ADAM23: variants seen among roughly 807,000 people sequenced by gnomAD.
The protein encoded by ADAM23 is ADAM metallopeptidase domain 23, also known as disintegrin and metalloproteinase domain-containing protein 23.
Under a neutral mutation model 120.1 loss-of-function variants are expected in ADAM23, and 33 were observed. The ratio of observed to expected loss-of-function variants is 0.27; its 90% CI spans 0.21 to 0.37. ADAM23 has a LOEUF of 0.37. ADAM23 is among the 10% of genes least tolerant of loss of function. The pLI is 1.00. For synonymous variants in ADAM23, 367 were observed against 375.2 expected (o/e 0.98, Z 0.25); for missense variants, 862 against 1,058.2 (o/e 0.81, Z 2.57).
At position 206,550,098 on chromosome 2, in the gene ADAM23, T is replaced by A; in HGVS notation, c.871T>A (p.Ser291Thr). ...LKRRKRAVNP[S>T]RGIFEEMKYL... ...CATATATTTTTATTTTCCGTAGCCA[T>A]CACGTGGTATATTTGAAGAAATGAA... Residue 291 changes from serine to threonine, a missense_variant, in exon 9 of 26, where the codon TCA becomes ACA. Transcript: ENST00000264377. The A allele has an allele frequency of 6.4e-7, 1 of 1,567,074 alleles. No homozygotes were observed. Among genetic ancestry groups the A allele is most frequent in the Non-Finnish European group, 8.8e-7 (1 of 1,141,860 alleles).
At chr2:206,536,713 C>CT (rs892456877) in intron 4 of ADAM23, among the ~76,000 whole-genome samples, 13 of 149,630 alleles carry the variant, frequency 8.7e-5, no homozygotes, top group South Asian at 4.3e-4. Context: ...ATATACACAA[C>CT]TTTTTTTTTT....
chr2:206,527,121 G>A (rs1263650743), intron 3 of ADAM23, among the ~76,000 whole-genome samples: 2 of 152,200 alleles, frequency 1.3e-5, no homozygotes, highest in African/African-American at 4.8e-5. Flanking sequence ...GAAAAAAGAT[G>A]TTTATTTTAG....
intron 3 of ADAM23, among the ~76,000 whole-genome samples, chr2:206,492,183 C>G (rs941600117): frequency 1.3e-5 from 2 of 152,124 alleles, no homozygotes; most frequent in Non-Finnish European, 2.9e-5. Context: ...GGAGGGGTAC[C>G]TAACCCAGAT....
At chr2:206,573,000 A>AT in intron 17 of ADAM23, 115 bp from the exon 18 acceptor site, 2 of 1,018,394 alleles carry the variant, frequency 2.0e-6, no homozygotes, top group Admixed American at 1.7e-5. Flanking sequence ...ATTCTTAAAA[A>AT]GAGTTTGGTG....
chr2:206,512,679 TG>T (rs1300324407), intron 3 of ADAM23, among the ~76,000 whole-genome samples: 1 of 152,178 alleles, frequency 6.6e-6, no homozygotes, highest in Non-Finnish European at 1.5e-5. Context: ...AAAAAGCATC[TG>T]GAAGTGCCTT....
chr2:206,466,474 G>A (rs535325744), intron 2 of ADAM23, among the ~76,000 whole-genome samples: 2 of 152,152 alleles, frequency 1.3e-5, no homozygotes, highest in African/African-American at 4.8e-5. Flanking sequence ...GTTATCTTAG[G>A]TTTCTCATTT....
At chr2:206,486,916 C>T (rs73054220) in intron 3 of ADAM23, among the ~76,000 whole-genome samples, 5,388 of 152,224 alleles carry the variant, frequency 0.035, 310 homozygotes, top group African/African-American at 0.12. Context: ...CCCTGGTGAC[C>T]GCTAATCTAC....
At chr2:206,459,988 A>G (rs755901130) in intron 2 of ADAM23, among the ~76,000 whole-genome samples, 18 of 151,996 alleles carry the variant, frequency 1.2e-4, no homozygotes, top group African/African-American at 3.9e-4. Flanking sequence ...TCCCTCTCCT[A>G]TCACTCTGGT....
chr2:206,572,592 C>T (rs1346978607), intron 17 of ADAM23, among the ~76,000 whole-genome samples: 1 of 152,118 alleles, frequency 6.6e-6, no homozygotes, highest in Non-Finnish European at 1.5e-5. Flanking sequence ...ACCTTTTACC[C>T]ACACCCTCCT....
chr2:206,488,521 T>G lies in ADAM23; in HGVS notation c.509+7213T>G, dbSNP rs534996007. Reference sequence around the variant, plus strand: ...CAAGCTGTTTACTCCTCTGGGCAGCTGGGATTCTCACTGAGAGCTCTGGGA... The same window carrying G: ...CAAGCTGTTTACTCCTCTGGGCAGCGGGGATTCTCACTGAGAGCTCTGGGA... On this transcript the variant is annotated intron_variant, in intron 3 of 25. Transcript: ENST00000264377. 2.0e-5 allele frequency among the ~76,000 whole-genome samples: 3 copies of G among 152,296 alleles called. No homozygotes were observed. The South Asian group carries it at 6.2e-4, about 32-fold the overall frequency.
At chr2:206,491,715 C>G (rs986035427) in intron 3 of ADAM23, among the ~76,000 whole-genome samples, 2 of 152,090 alleles carry the variant, frequency 1.3e-5, no homozygotes, top group Admixed American at 6.5e-5. Flanking sequence ...GAGATCTTAC[C>G]TTTTAGTGGG....
rs549449728 is a variant in ADAM23, at chr2:206,571,837, A to G, written c.1656+21A>G. 7.4e-5 allele frequency: 119 copies of G among 1,603,198 alleles called. 1 individual carries two copies. In the South Asian group the frequency reaches 1.2e-3, roughly 16 times the overall value. ...GTCTTGTGAGTTTTCTGACAGTTTC[A>G]TCTTTCTTTTAATTGACAGATTAGC... On this transcript the variant is annotated intron_variant, in intron 17 of 25. Coordinates refer to ENST00000264377, the MANE Select transcript of ADAM23 (RefSeq NM_003812.4).
chr2:206,592,699 A>G lies in ADAM23; in HGVS notation c.2041A>G (p.Thr681Ala), dbSNP rs929909546. 1.9e-6 allele frequency: 3 copies of G among 1,613,896 alleles called. No individual in the cohort carries two copies. Among genetic ancestry groups the G allele is most frequent in the African/African-American group, 1.3e-5 (1 of 74,886 alleles). The change falls in exon 22 of 26, where the codon ACT becomes GCT. Residue 681 changes from threonine (T) to alanine (A), a missense_variant. Coordinates refer to ENST00000264377, the MANE Select transcript of ADAM23 (RefSeq NM_003812.4). Reference sequence around the variant, plus strand: ...TCAACTTCAGGGTGAGATCATTCCAACTTCCTTCTACCATCAAGGCCGGGT... The same window carrying G: ...TCAACTTCAGGGTGAGATCATTCCAGCTTCCTTCTACCATCAAGGCCGGGT... ...IGQLQGEIIP[T>A]SFYHQGRVID...
intron 3 of ADAM23, among the ~76,000 whole-genome samples, chr2:206,497,568 A>G (rs958011325): frequency 2.0e-5 from 3 of 152,192 alleles, no homozygotes; most frequent in Non-Finnish European, 4.4e-5. Context: ...CAAAAACTGG[A>G]AGCATTCCCT....
rs1198177910 is a variant in ADAM23 at position 206,562,358 on chromosome 2, CAATA to C, written c.1345+74_1345+77del. ...TCTGTCTGTATAATGCATGTCCAGT[CAATA>C]AATAAATATTTTTCATTCCAGTCAT... On this transcript the variant is annotated intron_variant, in intron 13 of 25. Transcript: ENST00000264377. 5 of 1,134,796 alleles carry C rather than the reference CAATA, an allele frequency of 4.4e-6. No individual in the cohort carries two copies. The East Asian group carries it at 7.2e-5, about 16-fold the overall frequency. The allele number at this position is 1,134,796 out of a possible 1,614,324, so 70.3% of individuals were successfully genotyped here. A position where few individuals can be genotyped will look rare whatever the true frequency, so the allele number is the denominator to read the frequency against.
At chr2:206,453,127 C>G (rs1358863658) in intron 2 of ADAM23, among the ~76,000 whole-genome samples, 1 of 152,226 alleles carries the variant, frequency 6.6e-6, no homozygotes, top group Non-Finnish European at 1.5e-5. Flanking sequence ...CACACATTTG[C>G]TGTTCCCTTC....
rs549741074 is a variant in ADAM23 at position 206,557,348 on chromosome 2, A to G, written c.934-79A>G. ...AATCCATATTTCTACTATTACTGAG[A>G]TATTTCTGCTTTTACAGCATTTTGA... On this transcript the variant is annotated intron_variant, in intron 9 of 25. Transcript: ENST00000264377. The G allele has an allele frequency of 2.7e-4, 301 of 1,110,470 alleles. 3 individuals are homozygous for G. The highest frequency in any genetic ancestry group is 2.1e-3 in the South Asian group (170 of 79,344). 68.8% of individuals were successfully genotyped at this position (1,110,470 alleles called of 1,614,324 possible).
intron 3 of ADAM23, among the ~76,000 whole-genome samples, chr2:206,485,500 G>A (rs943608510): frequency 3.9e-5 from 6 of 152,226 alleles, no homozygotes; most frequent in South Asian, 2.1e-4. Flanking sequence ...GGTGACCATA[G>A]AATCTTCAGA....
rs149076174 is a variant in ADAM23 at position 206,520,584 on chromosome 2, C to T, written c.510-10301C>T. ...GGCCGTTAATTGAATGAGTGGAGGA[C>T]AGTTAAAGCCACAGGTTTTCATATG... is the stretch of plus-strand genomic sequence containing the variant. On this transcript the variant is annotated intron_variant, in intron 3 of 25. Transcript: ENST00000264377. Among the ~76,000 whole-genome samples the T allele has an allele frequency of 1.1e-4, 17 of 152,168 alleles. No individual in the cohort carries two copies. The South Asian group carries it at 1.2e-3, about 11-fold the overall frequency.
Sources: gnomAD v4.1 joint callset for allele counts (sites outside exome capture counted in the v4.1 genomes callset) on GRCh38, gnomAD v4.1.1 for gene constraint, MANE v1.5 for transcripts, NCBI Gene and HGNC (gene_info 2026-07-23, HGNC 2026-07-21) for gene names.